Variants in PIAS2 observed in about 807,000 individuals in gnomAD.
The protein encoded by PIAS2 is protein inhibitor of activated STAT 2.
PIAS2 carries 19 observed loss-of-function variants against 69.7 expected under a neutral mutation model. The observed-to-expected ratio is 0.27, with a 90% CI of 0.19 to 0.40. PIAS2 has a LOEUF of 0.40. Ranked by LOEUF, PIAS2 falls within the 10% of genes least tolerant of loss-of-function variation. The probability of loss-of-function intolerance (pLI) is 1.00; values close to 1 mark genes in which losing one functional copy is unlikely to be tolerated. For synonymous variants in PIAS2, 261 were observed against 263.2 expected, an observed-to-expected ratio of 0.99 and a Z score of 0.08; for missense variants, 624 against 757.0, an observed-to-expected ratio of 0.82 and a Z score of 2.06.
chr18:46,837,661 G>A (rs2044658881), intron 8 of PIAS2, among the ~76,000 whole-genome samples: 1 of 151,832 alleles, frequency 6.6e-6, no homozygotes, highest in Non-Finnish European at 1.5e-5. Flanking sequence ...ATTAACTTTA[G>A]TGCTGTTAAA....
intron 2 of PIAS2, among the ~76,000 whole-genome samples, chr18:46,866,503 C>A (rs374918692): frequency 6.6e-6 from 1 of 152,136 alleles, no homozygotes; most frequent in East Asian, 1.9e-4. Flanking sequence ...ACATGCATTA[C>A]AAGAAATGTA....
At chr18:46,885,403 C>T (rs1308198961) in intron 2 of PIAS2, among the ~76,000 whole-genome samples, 2 of 151,744 alleles carry the variant, frequency 1.3e-5, no homozygotes, top group Admixed American at 1.3e-4. Context: ...GCCTGTAATC[C>T]CAGTTACTTG....
intron 2 of PIAS2, among the ~76,000 whole-genome samples, chr18:46,886,199 G>A (rs1381241045): frequency 1.3e-5 from 2 of 152,126 alleles, no homozygotes; most frequent in African/African-American, 4.8e-5. Context: ...TCTGTCCTGT[G>A]CTTAGCCACA....
chr18:46,905,996 C>T (rs2056552551), intron 1 of PIAS2: 1 of 151,954 alleles, frequency 6.6e-6, no homozygotes. Context: ...ACAGATAGAT[C>T]AGGGTTGAAT....
At chr18:46,864,357 G>A (rs1056040207) in intron 2 of PIAS2, 109 bp from the exon 3 acceptor site, 15 of 662,736 alleles carry the variant, frequency 2.3e-5, no homozygotes, top group African/African-American at 7.3e-5. Context: ...ATTCTGAAAC[G>A]TTATGGTTAA....
chr18:46,871,164 T>C (rs1164579572), intron 2 of PIAS2, among the ~76,000 whole-genome samples: 1 of 152,032 alleles, frequency 6.6e-6, no homozygotes, highest in Non-Finnish European at 1.5e-5. Flanking sequence ...AGATAGAGAA[T>C]TGGAAAGACT....
chr18:46,810,281 C>T lies in PIAS2; in HGVS notation c.*2152G>A, dbSNP rs908668703. 6.6e-6 allele frequency: 1 copy of T among 151,960 alleles called. No individual in the cohort carries two copies. The highest frequency in any genetic ancestry group is 1.5e-5 in the Non-Finnish European group (1 of 68,000). 9.4% of individuals were successfully genotyped at this position (151,960 alleles called of 1,614,324 possible). A position where few individuals can be genotyped will look rare whatever the true frequency, so the allele number is the denominator to read the frequency against. On this transcript the variant is annotated 3_prime_UTR_variant, in exon 14 of 14. Coordinates refer to ENST00000585916, the MANE Select transcript of PIAS2 (RefSeq NM_004671.5). Reference sequence around the variant, plus strand: ...ATAAACTAATTTCTATTAATATTTTCATTTACTTTATAAAACTTTGTTGAT... The same window carrying T: ...ATAAACTAATTTCTATTAATATTTTTATTTACTTTATAAAACTTTGTTGAT...
At chr18:46,854,669 C>T (rs987170724) in intron 5 of PIAS2, among the ~76,000 whole-genome samples, 2 of 152,118 alleles carry the variant, frequency 1.3e-5, no homozygotes, top group African/African-American at 2.4e-5. Context: ...TGTATACATC[C>T]TAGGTGCTGA....
chr18:46,815,902 G>C, intron 12 of PIAS2: 1 of 985,384 alleles, frequency 1.0e-6, no homozygotes, highest in Non-Finnish European at 1.2e-6. Context: ...GGTTATCAAG[G>C]GTTACTGGGT....
chr18:46,827,865 A>T, intron 11 of PIAS2, 94 bp downstream of exon 11: 2 of 1,095,348 alleles, frequency 1.8e-6, no homozygotes, highest in Non-Finnish European at 2.6e-6. Context: ...AGCCTTCTAC[A>T]GTTATGCCAT....
At chr18:46,902,009 A>G (rs368057835) in intron 1 of PIAS2, among the ~76,000 whole-genome samples, 3 of 152,308 alleles carry the variant, frequency 2.0e-5, no homozygotes, top group East Asian at 3.9e-4. Context: ...GATTGTTCAC[A>G]TAGAAAATCT....
chr18:46,877,059 C>A (rs534680854), intron 2 of PIAS2, among the ~76,000 whole-genome samples: 4 of 152,228 alleles, frequency 2.6e-5, no homozygotes, highest in African/African-American at 9.6e-5. Flanking sequence ...TGTCCTCAAT[C>A]CTTACTTCTC....
At position 46,804,253 on chromosome 18, in the gene PIAS2, T is replaced by C. The variant is rs532975254; in HGVS notation, c.*8180A>G. ...AGGGGAAACACACAATATGCAGGGA[T>C]TATTTTATGTATTAAGAGTATATAA... On this transcript the variant is annotated 3_prime_UTR_variant, in exon 14 of 14. Coordinates refer to ENST00000585916, the MANE Select transcript of PIAS2 (RefSeq NM_004671.5). 3 of 152,268 alleles carry C rather than the reference T, an allele frequency of 2.0e-5. No homozygotes were observed. Among genetic ancestry groups the C allele is most frequent in the Non-Finnish European group, 2.9e-5 (2 of 68,022 alleles). The allele number at this position is 152,268 out of a possible 1,614,324, so 9.4% of individuals were successfully genotyped here.
chr18:46,829,235 T>C (rs947650380), intron 10 of PIAS2, among the ~76,000 whole-genome samples: 7 of 152,194 alleles, frequency 4.6e-5, no homozygotes, highest in Admixed American at 1.3e-4. Flanking sequence ...TGGATGAGTA[T>C]ACATTCTAGG....
intron 1 of PIAS2, among the ~76,000 whole-genome samples, chr18:46,912,801 T>C (rs1205541764): frequency 1.3e-5 from 2 of 152,076 alleles, no homozygotes; most frequent in African/African-American, 4.8e-5. Context: ...GGGAGTGGGA[T>C]TTAATGGAAA....
intron 11 of PIAS2, chr18:46,826,921 C>T (rs1354515951): frequency 6.6e-6 from 1 of 151,974 alleles, no homozygotes; most frequent in Non-Finnish European, 1.5e-5. Context: ...TCTAAACAGG[C>T]ATTATAGACA....
At chr18:46,872,604 G>A (rs1416591465) in intron 2 of PIAS2, among the ~76,000 whole-genome samples, 1 of 152,144 alleles carries the variant, frequency 6.6e-6, no homozygotes, top group Admixed American at 6.5e-5. Context: ...AAGGGGTTAC[G>A]AGTTTCAAAA....
rs1208657338 is a variant in PIAS2, at chr18:46,811,134, TG to T, written c.*1298del. The T allele has an allele frequency of 6.6e-6, 1 of 152,126 alleles. No individual in the cohort carries two copies. The highest frequency in any genetic ancestry group is 1.5e-5 in the Non-Finnish European group (1 of 68,010). 9.4% of individuals were successfully genotyped at this position (152,126 alleles called of 1,614,324 possible). A position where few individuals can be genotyped will look rare whatever the true frequency, so the allele number is the denominator to read the frequency against. On this transcript the variant is annotated 3_prime_UTR_variant, in exon 14 of 14. Transcript: ENST00000585916. Reference sequence around the variant, plus strand: ...AACCTCAGAGGTTCCCTGGAGTGTTTGGGGTAGCATGGATTGAGACAGGAAG... The same window carrying T: ...AACCTCAGAGGTTCCCTGGAGTGTTTGGGTAGCATGGATTGAGACAGGAAG...
intron 2 of PIAS2, among the ~76,000 whole-genome samples, chr18:46,865,970 T>C (rs895392967): frequency 1.3e-5 from 2 of 152,222 alleles, no homozygotes; most frequent in African/African-American, 4.8e-5. Flanking sequence ...ACCAATGACC[T>C]CTTAACTGCC....
Sources: allele counts gnomAD v4.1 joint callset (sites outside exome capture counted in the v4.1 genomes callset), GRCh38; gene constraint gnomAD v4.1.1; transcripts MANE v1.5; gene names NCBI Gene and HGNC (gene_info 2026-07-23, HGNC 2026-07-21).